Variants in BNC2 observed in about 807,000 individuals in gnomAD.
BNC2 encodes basonuclin zinc finger protein 2.
Under a neutral mutation model 76.3 loss-of-function variants are expected in BNC2, and 20 were observed. The ratio of observed to expected loss-of-function variants is 0.26; its 90% confidence interval spans 0.18 to 0.38. The LOEUF is 0.38. BNC2 is among the 10% of genes least tolerant of loss of function. The probability of loss-of-function intolerance (pLI) is 1.00; values close to 1 mark genes in which losing one functional copy is unlikely to be tolerated. For synonymous variants in BNC2, 582 were observed against 514.8 expected, an observed-to-expected ratio of 1.13 and a Z score of -1.77; for missense variants, 1,382 against 1,399.8, an observed-to-expected ratio of 0.99 and a Z score of 0.20.
At chr9:16,459,106 G>C (rs1055458448) in intron 5 of BNC2, among the ~76,000 whole-genome samples, 5 of 152,166 alleles carry the variant, frequency 3.3e-5, no homozygotes, top group Admixed American at 3.3e-4. Context: ...AACAATTATA[G>C]AGTTAAATAG....
intron 4 of BNC2, among the ~76,000 whole-genome samples, chr9:16,577,940 T>C (rs979016420): frequency 8.5e-5 from 13 of 152,196 alleles, no homozygotes; most frequent in Admixed American, 6.5e-5. Flanking sequence ...AAAGCTGCTG[T>C]GGGTGCGTTA....
At chr9:16,820,344 T>G (rs1356137375) in intron 1 of BNC2, among the ~76,000 whole-genome samples, 3 of 151,804 alleles carry the variant, frequency 2.0e-5, no homozygotes, top group Non-Finnish European at 4.4e-5. Context: ...AAGAATCTCT[T>G]GAACCAAGGA....
intron 3 of BNC2, among the ~76,000 whole-genome samples, chr9:16,666,525 T>C (rs1822296748): frequency 6.6e-6 from 1 of 152,220 alleles, no homozygotes; most frequent in East Asian, 1.9e-4. Flanking sequence ...ATTCTCTAAA[T>C]GCTACAATGC....
chr9:16,674,063 G>A (rs1300383755), intron 3 of BNC2, among the ~76,000 whole-genome samples: 3 of 152,092 alleles, frequency 2.0e-5, no homozygotes, highest in Non-Finnish European at 4.4e-5. Context: ...TGCCTTTTCG[G>A]ACTAATATTC....
chr9:16,793,868 GTT>G (rs1188831320), intron 1 of BNC2, among the ~76,000 whole-genome samples: 7 of 115,908 alleles, frequency 6.0e-5, no homozygotes, highest in Admixed American at 2.1e-4. Flanking sequence ...TTGTTTTTTT[GTT>G]TTTTTTTTTT....
chr9:16,748,625 T>C lies in BNC2; in HGVS notation c.4-10140A>G, dbSNP rs373386594. Among the ~76,000 whole-genome samples, 55 of 152,038 alleles carry C rather than the reference T, an allele frequency of 3.6e-4. No individual in the cohort carries two copies. In the South Asian group the frequency reaches 0.011, roughly 30 times the overall value. ...TGGGAGGCCAAGGTGGGTGGACCAC[T>C]TGAGGTCAAGAGTTCGAGATCAGAC... On this transcript the variant is annotated intron_variant, in intron 1 of 6. Coordinates refer to ENST00000380672, the MANE Select transcript of BNC2 (RefSeq NM_017637.6).
chr9:16,728,073 G>C, intron 2 of BNC2, 76 bp from the exon 3 acceptor site: 1 of 978,302 alleles, frequency 1.0e-6, no homozygotes, highest in Non-Finnish European at 1.5e-6. Context: ...GAAGCTGGCT[G>C]AACTGTGCAT....
rs114282851 is a variant in BNC2 at position 16,842,731 on chromosome 9, G to T, written c.3+27915C>A. 8.6e-3 allele frequency among the ~76,000 whole-genome samples: 1,302 copies of T among 152,084 alleles called. 31 individuals carry two copies. The highest frequency in any genetic ancestry group is 0.029 in the African/African-American group (1,220 of 41,480). ...TGTATTTTTTTTTTCTGACTCTTGT[G>T]TAAGCCTGAACTTATTTTATTTTTG... On this transcript the variant is annotated intron_variant, in intron 1 of 6. Coordinates refer to ENST00000380672, the MANE Select transcript of BNC2 (RefSeq NM_017637.6).
At chr9:16,681,764 G>C (rs3850444) in intron 3 of BNC2, among the ~76,000 whole-genome samples, 93,342 of 152,004 alleles carry the variant, frequency 0.61, 32,003 homozygotes, top group Non-Finnish European at 0.8. Context: ...CAAATAAACC[G>C]CAGGGCTGAT....
At chr9:16,566,883 A>G (rs1316013271) in intron 4 of BNC2, among the ~76,000 whole-genome samples, 1 of 152,244 alleles carries the variant, frequency 6.6e-6, no homozygotes. Context: ...TCTTTTTAGT[A>G]TGCAGAATTT....
chr9:16,820,390 C>T (rs1173457077), intron 1 of BNC2, among the ~76,000 whole-genome samples: 10 of 151,846 alleles, frequency 6.6e-5, no homozygotes, highest in Admixed American at 1.3e-4. Context: ...CGCACCATTG[C>T]GCTCCAGCCT....
Position 16,579,145 on chromosome 9 carries a change from A to C in BNC2, c.433+3838T>G, listed in dbSNP as rs1242940004. ...CCTACTGGTATTCAGAACTGCTCTG[A>C]GATTCCTTCCTCCCTTAACTCAATA... On this transcript the variant is annotated intron_variant, in intron 4 of 6. Transcript: ENST00000380672. Among the ~76,000 whole-genome samples, 5 of 152,214 alleles carry C rather than the reference A, an allele frequency of 3.3e-5. No individual in the cohort carries two copies. The East Asian group carries it at 9.6e-4, about 29-fold the overall frequency.
intron 3 of BNC2, among the ~76,000 whole-genome samples, chr9:16,584,593 C>T (rs1819719149): frequency 6.6e-6 from 1 of 152,156 alleles, no homozygotes; most frequent in South Asian, 2.1e-4. Flanking sequence ...CCTGATATTT[C>T]AGGATCTCTC....
chr9:16,431,450 A>C (rs773459720), intron 6 of BNC2: 2 of 470,482 alleles, frequency 4.3e-6, no homozygotes, highest in South Asian at 3.1e-5. Context: ...CTCCCGTATG[A>C]AGACAGCAGG....
At chr9:16,523,372 A>G (rs7022328) in intron 5 of BNC2, among the ~76,000 whole-genome samples, 22,130 of 150,006 alleles carry the variant, frequency 0.15, 4,842 homozygotes, top group African/African-American at 0.48. Flanking sequence ...TTGGGAGGCT[A>G]AGGCAGGAGA....
chr9:16,623,668 A>G (rs1008449707), intron 3 of BNC2, among the ~76,000 whole-genome samples: 19 of 152,234 alleles, frequency 1.2e-4, no homozygotes, highest in African/African-American at 3.9e-4. Flanking sequence ...TTCCTAATGC[A>G]TAACAGATAA....
At chr9:16,768,985 G>A (rs961577304) in intron 1 of BNC2, among the ~76,000 whole-genome samples, 1 of 152,176 alleles carries the variant, frequency 6.6e-6, no homozygotes, top group Non-Finnish European at 1.5e-5. Flanking sequence ...GAAGTAGGTA[G>A]GGGGCGGAAC....
At chr9:16,566,845 G>A (rs201326113) in intron 4 of BNC2, among the ~76,000 whole-genome samples, 2 of 151,974 alleles carry the variant, frequency 1.3e-5, no homozygotes, top group East Asian at 3.9e-4. Context: ...AAGACCTGGA[G>A]GAAAAACAAA....
chr9:16,776,962 C>T (rs1368866833), intron 1 of BNC2, among the ~76,000 whole-genome samples: 1 of 151,784 alleles, frequency 6.6e-6, no homozygotes. Flanking sequence ...CCCATCTCTA[C>T]TAAAAAAACA....
Sources: gnomAD v4.1 joint callset for allele counts (sites outside exome capture counted in the v4.1 genomes callset) on GRCh38, gnomAD v4.1.1 for gene constraint, MANE v1.5 for transcripts, NCBI Gene and HGNC (gene_info 2026-07-23, HGNC 2026-07-21) for gene names.